The following PLCL1 variants were observed in gnomAD, a reference collection of about 807,000 sequenced individuals.
The protein encoded by PLCL1 is inactive phospholipase C-like protein 1.
PLCL1 carries 41 observed loss-of-function variants against 84.4 expected under a neutral mutation model. The observed-to-expected ratio is 0.49, with a 90% confidence interval of 0.38 to 0.63. PLCL1 has a LOEUF of 0.63. Ranked by LOEUF, PLCL1 falls within the 30% of genes least tolerant of loss-of-function variation. The probability of loss-of-function intolerance (pLI) is 0.00; values close to 1 mark genes in which losing one functional copy is unlikely to be tolerated. For synonymous variants in PLCL1, 490 were observed against 488.3 expected (o/e 1.00, Z -0.05); for missense variants, 1,206 against 1,367.8 (o/e 0.88, Z 1.87).
intron 1 of PLCL1, among the ~76,000 whole-genome samples, chr2:197,926,952 C>G (rs1027639568): frequency 6.6e-6 from 1 of 152,136 alleles, no homozygotes; most frequent in East Asian, 1.9e-4. Flanking sequence ...GGGCTGCTAC[C>G]TGTTAGCTGG....
At chr2:198,025,099 G>A (rs1308128161) in intron 1 of PLCL1, among the ~76,000 whole-genome samples, 1 of 151,732 alleles carries the variant, frequency 6.6e-6, no homozygotes, top group Non-Finnish European at 1.5e-5. Flanking sequence ...TTTAACCTTG[G>A]TTTTTAATAA....
At chr2:197,856,504 A>G (rs1001879181) in intron 1 of PLCL1, among the ~76,000 whole-genome samples, 2 of 152,228 alleles carry the variant, frequency 1.3e-5, no homozygotes, top group East Asian at 3.8e-4. Flanking sequence ...AAAAGCATTT[A>G]TCTTTAACAG....
At chr2:197,845,484 G>T (rs1461366283) in intron 1 of PLCL1, among the ~76,000 whole-genome samples, 1 of 152,146 alleles carries the variant, frequency 6.6e-6, no homozygotes, top group Non-Finnish European at 1.5e-5. Flanking sequence ...AAGGAGCCTG[G>T]CAAGAAAAGA....
chr2:197,903,208 A>G (rs1403170091), intron 1 of PLCL1, among the ~76,000 whole-genome samples: 1 of 152,160 alleles, frequency 6.6e-6, no homozygotes, highest in Non-Finnish European at 1.5e-5. Context: ...TTTTCAGAAC[A>G]TATGATCTCT....
At chr2:197,942,123 A>G (rs905796861) in intron 1 of PLCL1, among the ~76,000 whole-genome samples, 6 of 152,146 alleles carry the variant, frequency 3.9e-5, no homozygotes, top group African/African-American at 1.4e-4. Context: ...TCCTCATGTG[A>G]AGAATATTTC....
intron 1 of PLCL1, among the ~76,000 whole-genome samples, chr2:197,963,292 A>G (rs984579198): frequency 7.9e-5 from 12 of 152,088 alleles, no homozygotes; most frequent in Admixed American, 6.6e-4. Flanking sequence ...CTGGGGCGAG[A>G]TGATATCTCA....
intron 1 of PLCL1, among the ~76,000 whole-genome samples, chr2:197,874,156 G>A (rs1461154262): frequency 6.6e-6 from 1 of 152,102 alleles, no homozygotes; most frequent in Non-Finnish European, 1.5e-5. Context: ...TCAATGGCGT[G>A]TAGTCACATT....
At chr2:198,059,706 T>A (rs771940174) in intron 1 of PLCL1, among the ~76,000 whole-genome samples, 1 of 152,104 alleles carries the variant, frequency 6.6e-6, no homozygotes, top group Non-Finnish European at 1.5e-5. Flanking sequence ...TTAAGTACAA[T>A]CATGGAGTTT....
Position 198,146,411 on chromosome 2 carries a change from C to G in PLCL1, c.3106-369C>G, listed in dbSNP as rs73063061. Reference sequence around the variant, plus strand: ...AAGAGCTTCTTTCCTTGTTTTCTCCCAAGACTAGGAATGCTGGATCTGGGC... The same window carrying G: ...AAGAGCTTCTTTCCTTGTTTTCTCCGAAGACTAGGAATGCTGGATCTGGGC... On this transcript the variant is annotated intron_variant, in intron 5 of 5. Transcript: ENST00000428675. Among the ~76,000 whole-genome samples the G allele has an allele frequency of 4.4e-3, 663 of 152,158 alleles. 3 individuals carry two copies. Among genetic ancestry groups the G allele is most frequent in the African/African-American group, 0.014 (601 of 41,524 alleles).
At chr2:198,027,816 A>G (rs1001441700) in intron 1 of PLCL1, among the ~76,000 whole-genome samples, 1 of 151,962 alleles carries the variant, frequency 6.6e-6, no homozygotes, top group Non-Finnish European at 1.5e-5. Flanking sequence ...GGAACTTTGA[A>G]TCTTTTTCTT....
At chr2:197,918,604 T>C (rs1317368328) in intron 1 of PLCL1, among the ~76,000 whole-genome samples, 2 of 152,120 alleles carry the variant, frequency 1.3e-5, no homozygotes, top group Admixed American at 6.6e-5. Flanking sequence ...AAAATAATGG[T>C]CCATTTAAAA....
At chr2:197,840,879 T>A (rs1040874697) in intron 1 of PLCL1, among the ~76,000 whole-genome samples, 1 of 152,184 alleles carries the variant, frequency 6.6e-6, no homozygotes, top group Non-Finnish European at 1.5e-5. Context: ...CAACTAATCT[T>A]CTAGTGGAAG....
intron 1 of PLCL1, among the ~76,000 whole-genome samples, chr2:197,819,604 T>C (rs959117741): frequency 1.3e-5 from 2 of 152,118 alleles, no homozygotes; most frequent in Admixed American, 6.6e-5. Context: ...TTCTACCCTT[T>C]CATTTTACTA....
intron 1 of PLCL1, among the ~76,000 whole-genome samples, chr2:197,823,732 T>C (rs1415010027): frequency 6.6e-6 from 1 of 152,090 alleles, no homozygotes; most frequent in Non-Finnish European, 1.5e-5. Flanking sequence ...ATTGATTTTC[T>C]CTAATTTCTT....
chr2:197,852,187 C>T (rs1351287922), intron 1 of PLCL1, among the ~76,000 whole-genome samples: 2 of 152,048 alleles, frequency 1.3e-5, no homozygotes, highest in African/African-American at 4.8e-5. Context: ...AGGCAACGTG[C>T]CTTTCAATTC....
Position 198,007,825 on chromosome 2 carries a change from A to C in PLCL1, c.241-75933A>C, listed in dbSNP as rs1574242118. Among the ~76,000 whole-genome samples, 7 of 152,276 alleles carry C rather than the reference A, an allele frequency of 4.6e-5. 1 individual carries two copies. Among genetic ancestry groups the C allele is most frequent in the Admixed American group, 4.6e-4 (7 of 15,290 alleles). ...TACACCCTGACTGTCTCCATAAAAG[A>C]TATAATGTTTATAAGGAAAGATATA... On this transcript the variant is annotated intron_variant, in intron 1 of 5. Transcript: ENST00000428675.
intron 1 of PLCL1, among the ~76,000 whole-genome samples, chr2:197,824,701 G>A (rs544519904): frequency 1.0e-3 from 145 of 139,736 alleles, no homozygotes; most frequent in African/African-American, 3.5e-3. Context: ...GCAACAGAGC[G>A]AGACCCTGTC....
At position 197,849,995 on chromosome 2, in the gene PLCL1, TAAACACAC is replaced by T. The variant is rs1336680198; in HGVS notation, c.240+44658_240+44665del. Among the ~76,000 whole-genome samples the T allele has an allele frequency of 3.4e-5, 5 of 148,240 alleles. No homozygotes were observed. The East Asian group carries it at 1.0e-3, about 30-fold the overall frequency. ...AGTTTTCAGTGATTCTCTTAGAGGT[TAAACACAC>T]AGACACACAGACACACAGACACACA... is the stretch of plus-strand genomic sequence containing the variant. On this transcript the variant is annotated intron_variant, in intron 1 of 5. Transcript: ENST00000428675.
intron 1 of PLCL1, among the ~76,000 whole-genome samples, chr2:197,854,746 C>A (rs747519968): frequency 9.2e-5 from 14 of 152,110 alleles, no homozygotes; most frequent in Non-Finnish European, 1.8e-4. Context: ...AGGGAAGATA[C>A]AAATTACTTA....
Sources: gnomAD v4.1 joint callset for allele counts (sites outside exome capture counted in the v4.1 genomes callset) on GRCh38, gnomAD v4.1.1 for gene constraint, MANE v1.5 for transcripts, NCBI Gene and HGNC (gene_info 2026-07-23, HGNC 2026-07-21) for gene names.